The following LIN7A variants were observed in gnomAD, a reference collection of about 807,000 sequenced individuals.
LIN7A encodes the protein protein lin-7 homolog A.
LIN7A carries 25 observed loss-of-function variants against 29.8 expected under a neutral mutation model. That is an observed-to-expected ratio of 0.84 (90% CI 0.61 to 1.17). The LOEUF is 1.17. LIN7A is among the 50% of genes most tolerant of loss of function. LIN7A has a pLI of 0.00. For missense variants in LIN7A, 239 were observed against 287.0 expected (o/e 0.83, Z 1.21); for synonymous variants, 118 against 107.5 (o/e 1.10, Z -0.60).
At chr12:80,844,437 T>G (rs1163946028) in intron 4 of LIN7A, among the ~76,000 whole-genome samples, 1 of 152,160 alleles carries the variant, frequency 6.6e-6, no homozygotes, top group Non-Finnish European at 1.5e-5. Flanking sequence ...AAATTCAAGA[T>G]ATGAATACAG....
intron 2 of LIN7A, among the ~76,000 whole-genome samples, chr12:80,865,873 G>A (rs945043939): frequency 1.3e-5 from 2 of 152,196 alleles, no homozygotes; most frequent in Non-Finnish European, 2.9e-5. Context: ...ACAATAAGCT[G>A]TCAGGTTTGT....
At chr12:80,872,511 A>G (rs1874472750) in intron 2 of LIN7A, among the ~76,000 whole-genome samples, 1 of 152,200 alleles carries the variant, frequency 6.6e-6, no homozygotes, top group Admixed American at 6.5e-5. Flanking sequence ...ACTGTCTTCA[A>G]ACATTTAAAA....
intron 4 of LIN7A, among the ~76,000 whole-genome samples, chr12:80,827,877 TCTAATA>T (rs1281600425): frequency 6.6e-6 from 1 of 152,160 alleles, no homozygotes; most frequent in African/African-American, 2.4e-5. Context: ...TAACCTTATG[TCTAATA>T]CTCTCCCCAT....
intron 3 of LIN7A, among the ~76,000 whole-genome samples, chr12:80,847,609 G>A (rs1439636224): frequency 2.0e-5 from 3 of 152,064 alleles, no homozygotes; most frequent in Non-Finnish European, 2.9e-5. Context: ...CTGCATCAGT[G>A]ATTTTAGTTT....
chr12:80,862,164 C>T (rs959163557), intron 2 of LIN7A, among the ~76,000 whole-genome samples: 1 of 152,126 alleles, frequency 6.6e-6, no homozygotes, highest in Non-Finnish European at 1.5e-5. Context: ...CTTATACTAA[C>T]CGAACAGAGA....
intron 1 of LIN7A, among the ~76,000 whole-genome samples, chr12:80,930,734 A>G (rs1877853372): frequency 6.6e-6 from 1 of 152,216 alleles, no homozygotes; most frequent in African/African-American, 2.4e-5. Context: ...TGAGAGCACT[A>G]CACTTGTAGG....
chr12:80,844,044 CT>C (rs1872946428), intron 4 of LIN7A, among the ~76,000 whole-genome samples: 1 of 151,714 alleles, frequency 6.6e-6, no homozygotes, highest in Admixed American at 6.6e-5. Flanking sequence ...ATTTTTTAAA[CT>C]TTTCATACTG....
rs777366472 is a variant in LIN7A at position 80,881,625 on chromosome 12, TAA to T, written c.201+7624_201+7625del. ...AAAAGCAAAGAAAACAAAATAAAGC[TAA>T]GTTATATATATATATATATGTACAC... On this transcript the variant is annotated intron_variant, in intron 2 of 5. Coordinates refer to ENST00000552864, the MANE Select transcript of LIN7A (RefSeq NM_004664.4). 2.7e-3 allele frequency among the ~76,000 whole-genome samples: 271 copies of T among 100,020 alleles called. 1 individual carries two copies. Among genetic ancestry groups the T allele is most frequent in the Middle Eastern group, 0.014 (3 of 212 alleles). The allele number at this position is 100,020 out of a possible 152,430, so 65.6% of individuals were successfully genotyped here. A position where few individuals can be genotyped will look rare whatever the true frequency, so the allele number is the denominator to read the frequency against.
At chr12:80,848,059 G>A (rs1592891506) in intron 3 of LIN7A, 192 bp downstream of exon 3, 2 of 680,654 alleles carry the variant, frequency 2.9e-6, no homozygotes, top group East Asian at 2.8e-5. Flanking sequence ...TTAAGCTACA[G>A]AAGCAGCAGA....
intron 1 of LIN7A, among the ~76,000 whole-genome samples, chr12:80,923,080 T>C (rs948020672): frequency 7.2e-5 from 11 of 152,126 alleles, no homozygotes; most frequent in South Asian, 2.1e-4. Context: ...AGATCCACCC[T>C]CACCTAATGT....
At chr12:80,872,862 A>T (rs1219787890) in intron 2 of LIN7A, among the ~76,000 whole-genome samples, 2 of 152,246 alleles carry the variant, frequency 1.3e-5, no homozygotes, top group East Asian at 3.8e-4. Flanking sequence ...ACTTTCTAAA[A>T]TACGGAGTCA....
chr12:80,881,352 A>G (rs1175482961), intron 2 of LIN7A, among the ~76,000 whole-genome samples: 1 of 152,150 alleles, frequency 6.6e-6, no homozygotes, highest in African/African-American at 2.4e-5. Flanking sequence ...ACATTTGCCA[A>G]CTTAAGCTAA....
chr12:80,843,357 G>A (rs1026874288), intron 4 of LIN7A, among the ~76,000 whole-genome samples: 2 of 152,164 alleles, frequency 1.3e-5, no homozygotes. Context: ...GGGTAACAAA[G>A]TTGTCTCATC....
chr12:80,851,442 G>C (rs1592894779), intron 2 of LIN7A, among the ~76,000 whole-genome samples: 1 of 151,678 alleles, frequency 6.6e-6, no homozygotes, highest in African/African-American at 2.4e-5. Flanking sequence ...TCTGGTTGTA[G>C]AGTCAGGTCA....
In LIN7A at chr12:80,842,717, T is replaced by A. The variant is rs554698525; in HGVS notation, c.483+3013A>T. On this transcript the variant is annotated intron_variant, in intron 4 of 5. Coordinates refer to ENST00000552864, the MANE Select transcript of LIN7A (RefSeq NM_004664.4). ...TCAGTGTTTGTTAGAAGCCCAGAGTTCTAGAATTGGATTAACTATTATTTG... is the reference window on the plus strand; with the variant it reads ...TCAGTGTTTGTTAGAAGCCCAGAGTACTAGAATTGGATTAACTATTATTTG... 1.6e-3 allele frequency among the ~76,000 whole-genome samples: 240 copies of A among 152,232 alleles called. 1 individual carries two copies. The highest frequency in any genetic ancestry group is 2.7e-3 in the Non-Finnish European group (183 of 67,976).
intron 2 of LIN7A, among the ~76,000 whole-genome samples, chr12:80,888,917 C>T (rs1314731205): frequency 6.6e-6 from 1 of 152,054 alleles, no homozygotes; most frequent in African/African-American, 2.4e-5. Flanking sequence ...TTTAGACAAA[C>T]TCAGCCCCCA....
intron 1 of LIN7A, among the ~76,000 whole-genome samples, chr12:80,900,285 A>AT (rs1208144973): frequency 6.6e-6 from 1 of 151,446 alleles, no homozygotes; most frequent in African/African-American, 2.4e-5. Flanking sequence ...GATTTTGGTT[A>AT]TTTTTTTGTC....
intron 1 of LIN7A, among the ~76,000 whole-genome samples, chr12:80,916,840 G>A (rs114825749): frequency 0.014 from 2,106 of 152,148 alleles, 46 homozygotes; most frequent in African/African-American, 0.048. Context: ...GAGCTTTCCC[G>A]CAGAGAGAGC....
intron 2 of LIN7A, among the ~76,000 whole-genome samples, chr12:80,882,117 T>G (rs1245595930): frequency 6.6e-6 from 1 of 152,018 alleles, no homozygotes; most frequent in East Asian, 1.9e-4. Flanking sequence ...TATTGCATTT[T>G]TTGAATGATC....
Sources: gnomAD v4.1 joint callset for allele counts (sites outside exome capture counted in the v4.1 genomes callset) on GRCh38, gnomAD v4.1.1 for gene constraint, MANE v1.5 for transcripts, NCBI Gene and HGNC (gene_info 2026-07-23, HGNC 2026-07-21) for gene names.